Variants in DIS3L2 observed in about 807,000 individuals in gnomAD.
DIS3L2 encodes DIS3-like exonuclease 2.
In DIS3L2, 34 loss-of-function variants were observed where a neutral mutation model predicts 97.5. That is an observed-to-expected ratio of 0.35 (90% CI 0.27 to 0.46). The LOEUF (loss-of-function observed/expected upper bound fraction) is 0.46. Ranked by LOEUF, DIS3L2 falls within the 20% of genes least tolerant of loss-of-function variation. DIS3L2 has a pLI of 1.00. For synonymous variants in DIS3L2, 435 were observed against 445.2 expected (o/e 0.98, Z 0.29); for missense variants, 1,038 against 1,146.0 (o/e 0.91, Z 1.36).
intron 1 of DIS3L2, among the ~76,000 whole-genome samples, chr2:231,980,112 G>T (rs72985651): frequency 0.011 from 1,714 of 152,160 alleles, 20 homozygotes; most frequent in Non-Finnish European, 0.016. Flanking sequence ...GATAGAGCAG[G>T]TCTTTTCTCG....
chr2:232,236,692 T>A (rs1268242510), intron 10 of DIS3L2, among the ~76,000 whole-genome samples: 1 of 152,240 alleles, frequency 6.6e-6, no homozygotes, highest in Non-Finnish European at 1.5e-5. Flanking sequence ...ACTATGCTTG[T>A]ATCTTCCATG....
At chr2:232,220,002 T>A (rs1314010998) in intron 10 of DIS3L2, among the ~76,000 whole-genome samples, 5 of 152,182 alleles carry the variant, frequency 3.3e-5, no homozygotes, top group Non-Finnish European at 7.3e-5. Context: ...CTAGCTGCAG[T>A]GGCTTACACC....
intron 9 of DIS3L2, among the ~76,000 whole-genome samples, chr2:232,191,406 T>C (rs1299532576): frequency 6.6e-6 from 1 of 152,170 alleles, no homozygotes; most frequent in Non-Finnish European, 1.5e-5. Flanking sequence ...ATCAGGTGGG[T>C]GATCAAGCTG....
intron 10 of DIS3L2, among the ~76,000 whole-genome samples, chr2:232,230,003 AT>A (rs201680326): frequency 2.0e-5 from 3 of 151,476 alleles, no homozygotes; most frequent in South Asian, 4.2e-4. Context: ...CTTACCCCAG[AT>A]TTTTTTTTCA....
chr2:232,320,591 T>G (rs1443005404), intron 14 of DIS3L2, among the ~76,000 whole-genome samples: 1 of 152,174 alleles, frequency 6.6e-6, no homozygotes, highest in Admixed American at 6.5e-5. Context: ...TTCATACACC[T>G]CTGGTTCAAC....
intron 9 of DIS3L2, among the ~76,000 whole-genome samples, chr2:232,176,148 C>A (rs1691145717): frequency 6.6e-6 from 1 of 152,228 alleles, no homozygotes; most frequent in African/African-American, 2.4e-5. Flanking sequence ...ACCTTGGCCT[C>A]CCAAAGTGCT....
chr2:232,061,176 C>T (rs189662893), intron 5 of DIS3L2, among the ~76,000 whole-genome samples: 6 of 152,190 alleles, frequency 3.9e-5, no homozygotes, highest in East Asian at 3.9e-4. Context: ...TAGGACTTCC[C>T]GAGCAACTTA....
Position 232,163,539 on chromosome 2 carries a change from T to C in DIS3L2, c.1031T>C (p.Phe344Ser), listed in dbSNP as rs1446393691. The change falls in exon 9 of 21, where the codon TTC becomes TCC. Residue 344 changes from phenylalanine to serine, a missense_variant. This residue lies in a region of DIS3L2 where 813 missense variants were observed against 880.1 expected (regional missense o/e 0.92). Coordinates refer to ENST00000325385, the MANE Select transcript of DIS3L2 (RefSeq NM_152383.5). ...ATACTAACAGAGTATGGCGTGGATT[T>C]CTCTGATTTCTCTTCAGAAGTTCTA... ...EGILTEYGVDFSDFSSEVLEC... is the reference protein window; with the variant it reads ...EGILTEYGVDSSDFSSEVLEC... 6.2e-7 allele frequency: 1 copy of C among 1,614,188 alleles called. No individual in the cohort carries two copies. The highest frequency in any genetic ancestry group is 2.2e-5 in the East Asian group (1 of 44,882).
At chr2:232,266,317 G>T (rs1693857181) in intron 13 of DIS3L2, among the ~76,000 whole-genome samples, 1 of 152,206 alleles carries the variant, frequency 6.6e-6, no homozygotes, top group East Asian at 1.9e-4. Flanking sequence ...CAATTTATCA[G>T]TTAGAGAGCT....
chr2:232,143,979 T>G (rs1690143976), intron 8 of DIS3L2, among the ~76,000 whole-genome samples: 1 of 152,174 alleles, frequency 6.6e-6, no homozygotes, highest in African/African-American at 2.4e-5. Flanking sequence ...GTTATATATA[T>G]TCTTCTATCA....
chr2:232,226,648 A>G (rs1692657197), intron 10 of DIS3L2, among the ~76,000 whole-genome samples: 1 of 152,136 alleles, frequency 6.6e-6, no homozygotes, highest in Non-Finnish European at 1.5e-5. Flanking sequence ...CCCCTACTAT[A>G]CCACATCCAT....
intron 10 of DIS3L2, among the ~76,000 whole-genome samples, chr2:232,221,133 A>G (rs2106232376): frequency 6.7e-6 from 1 of 148,834 alleles, no homozygotes; most frequent in Middle Eastern, 3.5e-3. Context: ...TTTGTTTTTA[A>G]TTTTCATCTC....
chr2:231,969,999 G>C (rs536915316), intron 1 of DIS3L2, among the ~76,000 whole-genome samples: 1 of 151,494 alleles, frequency 6.6e-6, no homozygotes, highest in Admixed American at 6.6e-5. Context: ...AGGCTGGACT[G>C]CAGTGGCATG....
intron 9 of DIS3L2, among the ~76,000 whole-genome samples, chr2:232,182,651 A>G (rs1420847867): frequency 6.6e-6 from 1 of 152,120 alleles, no homozygotes; most frequent in Non-Finnish European, 1.5e-5. Flanking sequence ...GATTGAGCCT[A>G]TCATTGTTAT....
At chr2:232,343,590 T>C (rs1299939091) in exon 14 of DIS3L2, 1 of 1,575,226 alleles carries the variant, frequency 6.3e-7, no homozygotes. Context: ...GCATGTGGAA[T>C]TCCTTGTGGC....
intron 5 of DIS3L2, among the ~76,000 whole-genome samples, chr2:232,038,077 T>C (rs1695002396): frequency 6.6e-6 from 1 of 152,256 alleles, no homozygotes. Context: ...TTGCTGCCAA[T>C]TGTTGATACA....
intron 2 of DIS3L2, 80 bp from the exon 3 acceptor site, chr2:232,015,434 T>C: frequency 6.6e-7 from 1 of 1,521,228 alleles, no homozygotes; most frequent in Non-Finnish European, 8.8e-7. Flanking sequence ...AAATAATAAT[T>C]GTAAAAAGGT....
At chr2:232,015,738 T>G (rs1480799037) in intron 3 of DIS3L2, 67 bp downstream of exon 3, 1 of 1,569,620 alleles carries the variant, frequency 6.4e-7, no homozygotes, top group Non-Finnish European at 8.6e-7. Context: ...ATTAAACTGT[T>G]TCCTGTTCTG....
intron 9 of DIS3L2, among the ~76,000 whole-genome samples, chr2:232,168,840 A>G (rs550907146): frequency 1.3e-5 from 2 of 152,328 alleles, no homozygotes; most frequent in South Asian, 4.1e-4. Flanking sequence ...GTACAGCAGT[A>G]GGTAAGCATG....
Sources: gnomAD v4.1 joint callset for allele counts (sites outside exome capture counted in the v4.1 genomes callset) on GRCh38, gnomAD v4.1.1 for gene constraint, gnomAD v4.1.1 regional missense constraint, MANE v1.5 for transcripts, NCBI Gene and HGNC (gene_info 2026-07-23, HGNC 2026-07-21) for gene names.